CEP192: variants seen among roughly 807,000 people sequenced by gnomAD.
CEP192 encodes centrosomal protein 192.
CEP192 carries 151 observed loss-of-function variants against 271.8 expected under a neutral mutation model. The ratio of observed to expected loss-of-function variants is 0.56; its 90% confidence interval spans 0.49 to 0.64. The LOEUF (loss-of-function observed/expected upper bound fraction) is 0.64, where lower values mean the gene tolerates loss of function less well. Ranked by LOEUF, CEP192 falls within the 30% of genes least tolerant of loss-of-function variation. The pLI is 0.00. For missense variants in CEP192, 2,910 were observed against 3,020.5 expected (o/e 0.96, Z 0.86); for synonymous variants, 995 against 1,076.5 (o/e 0.92, Z 1.48).
At chr18:13,080,620 A>G (rs1440685071) in intron 30 of CEP192, among the ~76,000 whole-genome samples, 2 of 152,094 alleles carry the variant, frequency 1.3e-5, no homozygotes, top group African/African-American at 4.8e-5. Context: ...CTAATTGAAT[A>G]CCCTTTATTT....
chr18:13,068,409 G>C lies in CEP192; in HGVS notation c.4809G>C (p.Gln1603His). The change falls in exon 24 of 45, where the codon CAG becomes CAC. Residue 1603 changes from glutamine to histidine, a missense_variant. Coordinates refer to ENST00000506447, the MANE Select transcript of CEP192 (RefSeq NM_032142.4). Reference sequence around the variant, plus strand: ...TTCTTTTCCATAGTCCAAAGAAACAGATCAGCTCTTCAGGTATCATGTTTA... The same window carrying C: ...TTCTTTTCCATAGTCCAAAGAAACACATCAGCTCTTCAGGTATCATGTTTA... ...IWVLFHSPKK[Q>H]ISSSDILDSA... is the part of the protein sequence containing the mutation. 1.2e-6 allele frequency: 2 copies of C among 1,611,392 alleles called. No homozygotes were observed. Among genetic ancestry groups the C allele is most frequent in the Non-Finnish European group, 1.7e-6 (2 of 1,178,278 alleles).
At chr18:13,106,748 T>A (rs1282007023) in intron 40 of CEP192, among the ~76,000 whole-genome samples, 1 of 148,276 alleles carries the variant, frequency 6.7e-6, no homozygotes, top group Middle Eastern at 3.4e-3. Flanking sequence ...CCCACACAGC[T>A]ACCACCACCA....
intron 44 of CEP192, among the ~76,000 whole-genome samples, chr18:13,121,431 A>G (rs1338514568): frequency 6.6e-6 from 1 of 152,204 alleles, no homozygotes; most frequent in African/African-American, 2.4e-5. Flanking sequence ...GCTGCTCCTT[A>G]CAGGCTGTAA....
Position 13,124,759 on chromosome 18 carries a change from G to A in CEP192, c.7603G>A (p.Gly2535Arg). The change falls in exon 45 of 45, where the codon GGA becomes AGA. Residue 2535 changes from glycine (G) to arginine (R), a missense_variant. Physicochemically the swap from Gly to Arg is moderately radical, Grantham distance 125. Coordinates refer to ENST00000506447, the MANE Select transcript of CEP192 (RefSeq NM_032142.4). ...TATTCGACTAATTGGTGAAGCTCTT[G>A]GAAAAAATTAACTAGAATACATTTT... ...IAIRLIGEALGKN is the reference protein window; with the variant it reads ...IAIRLIGEALRKN 1 of 1,603,044 alleles carries A rather than the reference G, an allele frequency of 6.2e-7. No individual in the cohort carries two copies. The highest frequency in any genetic ancestry group is 8.5e-7 in the Non-Finnish European group (1 of 1,171,788).
At position 13,042,171 on chromosome 18, in the gene CEP192, A is replaced by G. The variant is rs775993612; in HGVS notation, c.1937-33A>G. 1.0e-5 allele frequency: 16 copies of G among 1,573,702 alleles called. 1 individual carries two copies. The South Asian group carries it at 1.7e-4, about 17-fold the overall frequency. On this transcript the variant is annotated intron_variant, in intron 14 of 44. Coordinates refer to ENST00000506447, the MANE Select transcript of CEP192 (RefSeq NM_032142.4). ...AGACTGTGTTTGTCAAATAGTGTAT[A>G]CTTATAAGTTGAATATTATATATTT...
chr18:12,992,690 G>C (rs1465311660), intron 1 of CEP192, among the ~76,000 whole-genome samples: 1 of 152,174 alleles, frequency 6.6e-6, no homozygotes, highest in Non-Finnish European at 1.5e-5. Flanking sequence ...GAAGAGACTA[G>C]GTATTAGGTT....
chr18:13,049,665 C>G lies in CEP192; in HGVS notation c.2874C>G (p.Val958=). The stretch of plus-strand genomic sequence containing the variant: ...TGACTTTTGAAAACCATCGCATAGT[C>G]TCACCTAAAAATAGTGGTAAGTGTC... The part of the protein sequence containing the change: ...KHVTFENHRI[V]SPKNSDLKNT... Residue 958 remains valine (V), a synonymous_variant, in exon 16 of 45, where the codon GTC becomes GTG. Coordinates refer to ENST00000506447, the MANE Select transcript of CEP192 (RefSeq NM_032142.4). 2 of 1,609,644 alleles carry G rather than the reference C, an allele frequency of 1.2e-6. No homozygotes were observed. Among genetic ancestry groups the G allele is most frequent in the Non-Finnish European group, 1.7e-6 (2 of 1,177,816 alleles).
chr18:13,059,451 A>G (rs1459477345), intron 21 of CEP192, 139 bp downstream of exon 21: 4 of 631,418 alleles, frequency 6.3e-6, no homozygotes, highest in African/African-American at 5.5e-5. Flanking sequence ...TTGGTTCTTA[A>G]TATCTTTTTA....
chr18:13,084,475 T>C (rs1278780770), intron 30 of CEP192, among the ~76,000 whole-genome samples: 1 of 152,168 alleles, frequency 6.6e-6, no homozygotes, highest in Non-Finnish European at 1.5e-5. Context: ...CTAAGAGTGT[T>C]GGAAAAGCAC....
chr18:13,004,766 A>G (rs1011916042), intron 3 of CEP192, among the ~76,000 whole-genome samples: 5 of 152,160 alleles, frequency 3.3e-5, no homozygotes, highest in African/African-American at 1.2e-4. Context: ...CGTGGGCGTG[A>G]CTGTTGAGGG....
intron 21 of CEP192, among the ~76,000 whole-genome samples, chr18:13,063,010 T>G (rs2066717976): frequency 6.6e-6 from 1 of 152,210 alleles, no homozygotes; most frequent in Admixed American, 6.5e-5. Flanking sequence ...TTATTTCACT[T>G]AACATAATGA....
chr18:13,041,840 A>G (rs549989714), intron 14 of CEP192, among the ~76,000 whole-genome samples: 1 of 152,190 alleles, frequency 6.6e-6, no homozygotes, highest in South Asian at 2.1e-4. Context: ...TGCTGGGATC[A>G]CAGGCATGAG....
chr18:13,112,163 A>G (rs1040610294), intron 40 of CEP192, among the ~76,000 whole-genome samples: 1 of 152,198 alleles, frequency 6.6e-6, no homozygotes, highest in African/African-American at 2.4e-5. Context: ...TCAAACAAAA[A>G]CTTGTTCACA....
chr18:13,069,046 TTG>T (rs1452342749), intron 25 of CEP192, 41 bp from the exon 26 acceptor site: 5 of 1,614,064 alleles, frequency 3.1e-6, no homozygotes, highest in Non-Finnish European at 4.2e-6. Context: ...TGATTTCACT[TTG>T]TGACAGTTCG....
chr18:13,001,459 A>G lies in CEP192; in HGVS notation c.167A>G (p.Tyr56Cys), dbSNP rs530564973. 1.2e-4 allele frequency: 184 copies of G among 1,536,684 alleles called. No individual in the cohort carries two copies. The African/African-American group carries it at 2.1e-3, about 18-fold the overall frequency. Residue 56 changes from tyrosine (Y) to cysteine (C), a missense_variant and splice_region_variant, in exon 3 of 45, where the codon TAT becomes TGT. By Grantham distance (194) the Tyr-to-Cys change is radical. Transcript: ENST00000506447. ...TAAAACAAATTTTTTTTGTATAGGT[A>G]TCCTGATATCCAGGCATCTTACTTA... Reference protein sequence around the residue: ...ARDRSSTDNRYPDIQASYLVE... With the variant: ...ARDRSSTDNRCPDIQASYLVE...
At chr18:13,064,234 A>G (rs2037565414) in intron 21 of CEP192, among the ~76,000 whole-genome samples, 1 of 152,098 alleles carries the variant, frequency 6.6e-6, no homozygotes, top group Non-Finnish European at 1.5e-5. Context: ...ACTCTTCTGC[A>G]TATGGATATC....
At chr18:13,115,161 T>C (rs2040370901) in intron 42 of CEP192, among the ~76,000 whole-genome samples, 1 of 152,202 alleles carries the variant, frequency 6.6e-6, no homozygotes, top group South Asian at 2.1e-4. Flanking sequence ...GCACACTCCC[T>C]CCAGGCTGTT....
chr18:13,117,618 G>C lies in CEP192; in HGVS notation c.7450G>C (p.Val2484Leu). 1 of 1,612,990 alleles carries C rather than the reference G, an allele frequency of 6.2e-7. No homozygotes were observed. Among genetic ancestry groups the C allele is most frequent in the Non-Finnish European group, 8.5e-7 (1 of 1,179,058 alleles). Residue 2484 changes from valine to leucine, a missense_variant, in exon 44 of 45, where the codon GTC (valine) becomes CTC (leucine). Val to Leu is a conservative substitution (Grantham distance 32). Transcript: ENST00000506447. ...TTTGAGTCCCAGAGAGCCATTCTAT[G>C]TCAAACATTCCAAGTACTCTTTGAG... ...KFLSPREPFYVKHSKYSLRAQ... is the reference protein window; with the variant it reads ...KFLSPREPFYLKHSKYSLRAQ...
rs548170948 is a variant in CEP192, at chr18:13,000,681, G to A, written c.165-776G>A. Among the ~76,000 whole-genome samples, 7 of 152,382 alleles carry A rather than the reference G, an allele frequency of 4.6e-5. No homozygotes were observed. The South Asian group carries it at 1.4e-3, about 32-fold the overall frequency. On this transcript the variant is annotated intron_variant, in intron 2 of 44. Coordinates refer to ENST00000506447, the MANE Select transcript of CEP192 (RefSeq NM_032142.4). ...TCTTAGAAACTCAACCAGGCTGGGCGTGGTGGCTCATGCCTGTAATCCCAG... is the reference window on the plus strand; with the variant it reads ...TCTTAGAAACTCAACCAGGCTGGGCATGGTGGCTCATGCCTGTAATCCCAG...
Sources: allele counts gnomAD v4.1 joint callset (sites outside exome capture counted in the v4.1 genomes callset), GRCh38; gene constraint gnomAD v4.1.1; transcripts MANE v1.5; gene names NCBI Gene and HGNC (gene_info 2026-07-23, HGNC 2026-07-21).